TRIM22: variants seen among roughly 807,000 people sequenced by gnomAD.
TRIM22 encodes the protein E3 ubiquitin-protein ligase TRIM22.
TRIM22 carries 45 observed loss-of-function variants against 53.6 expected under a neutral mutation model. The ratio of observed to expected loss-of-function variants is 0.84; its 90% CI spans 0.66 to 1.08. The LOEUF is 1.08. Ranked by LOEUF, TRIM22 falls within the 50% of genes least tolerant of loss-of-function variation. TRIM22 has a pLI of 0.00. For missense variants in TRIM22, 616 were observed against 590.9 expected, an observed-to-expected ratio of 1.04 and a Z score of -0.44; for synonymous variants, 225 against 216.6, an observed-to-expected ratio of 1.04 and a Z score of -0.34.
At chr11:5,708,343 G>T in intron 6 of TRIM22, 70 bp downstream of exon 6, 1 of 1,419,954 alleles carries the variant, frequency 7.0e-7, no homozygotes, top group Non-Finnish European at 9.9e-7. Context: ...GAAGCGGGAG[G>T]TTTTTTTAGG....
At chr11:5,708,708 A>T in intron 7 of TRIM22, 105 bp downstream of exon 7, 1 of 986,650 alleles carries the variant, frequency 1.0e-6, no homozygotes, top group Non-Finnish European at 1.4e-6. Flanking sequence ...TGCTTAAACC[A>T]TGTAGTTCTT....
intron 1 of TRIM22, among the ~76,000 whole-genome samples, chr11:5,691,866 G>C (rs979180739): frequency 6.6e-6 from 1 of 151,848 alleles, no homozygotes; most frequent in Non-Finnish European, 1.5e-5. Context: ...CTCCTTATGT[G>C]TCTGTACCGC....
Position 5,696,496 on chromosome 11 carries a change from A to G in TRIM22, c.264A>G (p.Pro88=), listed in dbSNP as rs1353477156. The change falls in exon 2 of 8, where the codon CCA becomes CCG. Residue 88 remains proline, a synonymous_variant. Coordinates refer to ENST00000379965, the MANE Select transcript of TRIM22 (RefSeq NM_006074.5). ...VERVKEVKMS[P]QEGQKRDVCE... ...GAGTCAAAGAGGTCAAGATGAGCCC[A>G]CAGGAGGGGCAGAAGAGAGATGTCT... 1 of 1,614,276 alleles carries G rather than the reference A, an allele frequency of 6.2e-7. No homozygotes were observed. The highest frequency in any genetic ancestry group is 8.5e-7 in the Non-Finnish European group (1 of 1,180,052).
chr11:5,700,644 C>CT (rs1853360410), intron 4 of TRIM22, among the ~76,000 whole-genome samples: 1 of 24,770 alleles, frequency 4.0e-5, no homozygotes. Flanking sequence ...CTCTTTTTTT[C>CT]TTTTTTTTGA....
chr11:5,694,735 T>C (rs1467712242), intron 1 of TRIM22, among the ~76,000 whole-genome samples: 1 of 152,226 alleles, frequency 6.6e-6, no homozygotes, highest in Non-Finnish European at 1.5e-5. Flanking sequence ...GATTTCTAAA[T>C]TGTAACTGCT....
In TRIM22 at chr11:5,708,372, G is replaced by A. The variant is rs979538393; in HGVS notation, c.874+99G>A. The stretch of plus-strand genomic sequence containing the variant: ...TTTTAGGTTAGGATATAGGAGAGGA[G>A]GTGGGCCAGAGAAGGAGGAAAATCC... On this transcript the variant is annotated intron_variant, in intron 6 of 7. Coordinates refer to ENST00000379965, the MANE Select transcript of TRIM22 (RefSeq NM_006074.5). The A allele has an allele frequency of 5.1e-6, 6 of 1,169,348 alleles. No homozygotes were observed. The African/African-American group carries it at 6.2e-5, about 12-fold the overall frequency. 72.4% of individuals were successfully genotyped at this position (1,169,348 alleles called of 1,614,324 possible).
chr11:5,698,247 C>T (rs1453232925), intron 3 of TRIM22, 68 bp from the exon 4 acceptor site: 2 of 1,305,136 alleles, frequency 1.5e-6, no homozygotes, highest in Non-Finnish European at 2.2e-6. Flanking sequence ...TATCCTGTCT[C>T]CCAGGCTCAT....
In TRIM22 at chr11:5,709,694, G is replaced by A; in HGVS notation, c.*46G>A. 1.3e-6 allele frequency: 2 copies of A among 1,521,692 alleles called. No individual in the cohort carries two copies. The highest frequency in any genetic ancestry group is 1.8e-6 in the Non-Finnish European group (2 of 1,122,026). 94.3% of individuals were successfully genotyped at this position (1,521,692 alleles called of 1,614,324 possible). A position where few individuals can be genotyped will look rare whatever the true frequency, so the allele number is the denominator to read the frequency against. On this transcript the variant is annotated 3_prime_UTR_variant, in exon 8 of 8. Coordinates refer to ENST00000379965, the MANE Select transcript of TRIM22 (RefSeq NM_006074.5). Reference sequence around the variant, plus strand: ...ACTTCTGCATAGTAGCCCTTGTGCTGAGACTCAGATTCTGCACCTGAGTTC... The same window carrying A: ...ACTTCTGCATAGTAGCCCTTGTGCTAAGACTCAGATTCTGCACCTGAGTTC...
intron 4 of TRIM22, among the ~76,000 whole-genome samples, chr11:5,704,247 ATCTT>A (rs1423676440): frequency 1.4e-5 from 2 of 148,056 alleles, no homozygotes; most frequent in Non-Finnish European, 1.5e-5. Context: ...TTTCTTCTTT[ATCTT>A]TCTTTTTTTT....
At chr11:5,705,595 G>C (rs890350881) in intron 4 of TRIM22, among the ~76,000 whole-genome samples, 1 of 148,306 alleles carries the variant, frequency 6.7e-6, no homozygotes, top group Non-Finnish European at 1.5e-5. Context: ...GTATAAAGGG[G>C]GTCAGATCAG....
At chr11:5,691,104 T>C (rs2134169098) in intron 1 of TRIM22, 1 of 152,364 alleles carries the variant, frequency 6.6e-6, no homozygotes, top group African/African-American at 2.4e-5. Flanking sequence ...GGGAACTTGT[T>C]CTTCTGAGTA....
chr11:5,694,120 G>T (rs986604420), intron 1 of TRIM22, among the ~76,000 whole-genome samples: 1 of 152,176 alleles, frequency 6.6e-6, no homozygotes, highest in Non-Finnish European at 1.5e-5. Context: ...TAACTAAATA[G>T]TATTTAAATA....
chr11:5,694,875 G>A (rs1199930919), intron 1 of TRIM22, among the ~76,000 whole-genome samples: 1 of 152,040 alleles, frequency 6.6e-6, no homozygotes, highest in Non-Finnish European at 1.5e-5. Flanking sequence ...AGATGTGTTA[G>A]GATGTAAACA....
Position 5,696,471 on chromosome 11 carries a change from G to A in TRIM22, c.239G>A (p.Arg80Lys), listed in dbSNP as rs1198214076. ...CGGCATCTGGCCAACATAGTTGAGAGAGTCAAAGAGGTCAAGATGAGCCCA... is the reference window on the plus strand; with the variant it reads ...CGGCATCTGGCCAACATAGTTGAGAAAGTCAAAGAGGTCAAGATGAGCCCA... Reference protein sequence around the residue: ...PNRHLANIVERVKEVKMSPQE... With the variant: ...PNRHLANIVEKVKEVKMSPQE... The change falls in exon 2 of 8, where the codon AGA (arginine) becomes AAA (lysine). Residue 80 changes from arginine (R) to lysine (K), a missense_variant. Coordinates refer to ENST00000379965, the MANE Select transcript of TRIM22 (RefSeq NM_006074.5). The A allele has an allele frequency of 6.2e-7, 1 of 1,614,142 alleles. No homozygotes were observed. The highest frequency in any genetic ancestry group is 2.2e-5 in the East Asian group (1 of 44,898).
At chr11:5,703,129 G>C (rs879683338) in intron 4 of TRIM22, among the ~76,000 whole-genome samples, 3 of 152,086 alleles carry the variant, frequency 2.0e-5, no homozygotes, top group Non-Finnish European at 4.4e-5. Flanking sequence ...CTGAGGTTTG[G>C]GATACAGATC....
chr11:5,694,265 A>G (rs189103003), intron 1 of TRIM22, among the ~76,000 whole-genome samples: 3 of 152,354 alleles, frequency 2.0e-5, no homozygotes, highest in Admixed American at 2.0e-4. Flanking sequence ...CTTTTCTCCC[A>G]TGACCAACAG....
At chr11:5,699,873 T>C (rs1300938238) in intron 4 of TRIM22, among the ~76,000 whole-genome samples, 1 of 151,948 alleles carries the variant, frequency 6.6e-6, no homozygotes, top group Non-Finnish European at 1.5e-5. Flanking sequence ...AAGAGTTTTT[T>C]CTGTTTTACT....
chr11:5,709,358 C>A lies in TRIM22; in HGVS notation c.1207C>A (p.Pro403Thr), dbSNP rs375595000. ...TTCAAAAGTTTACTCCAGATATAGACCTCAATATGGCTACTGGGTTATAGG... is the reference window on the plus strand; with the variant it reads ...TTCAAAAGTTTACTCCAGATATAGAACTCAATATGGCTACTGGGTTATAGG... Reference protein sequence around the residue: ...NYSKVYSRYRPQYGYWVIGLQ... With the variant: ...NYSKVYSRYRTQYGYWVIGLQ... The change falls in exon 8 of 8, where the codon CCT becomes ACT. Residue 403 changes from proline to threonine, a missense_variant. Coordinates refer to ENST00000379965, the MANE Select transcript of TRIM22 (RefSeq NM_006074.5). 3.5e-5 allele frequency: 57 copies of A among 1,613,990 alleles called. No homozygotes were observed. Among genetic ancestry groups the A allele is most frequent in the Non-Finnish European group, 4.7e-5 (56 of 1,180,042 alleles).
At chr11:5,696,997 G>A in intron 2 of TRIM22, 3 of 509,904 alleles carry the variant, frequency 5.9e-6, no homozygotes, top group Non-Finnish European at 1.0e-5. Context: ...TTTCCTTACT[G>A]CAGGGTCTGC....
Sources: gnomAD v4.1 joint callset for allele counts (sites outside exome capture counted in the v4.1 genomes callset) on GRCh38, gnomAD v4.1.1 for gene constraint, MANE v1.5 for transcripts, NCBI Gene and HGNC (gene_info 2026-07-23, HGNC 2026-07-21) for gene names.